MRC1: variants seen among roughly 807,000 people sequenced by gnomAD.
MRC1 encodes macrophage mannose receptor 1.
MRC1 carries 62 observed loss-of-function variants against 102.9 expected under a neutral mutation model. The observed-to-expected ratio is 0.60, with a 90% CI of 0.49 to 0.74. The LOEUF is 0.74. Among genes scored for constraint, MRC1 ranks in the 30% least tolerant of loss-of-function variants. The pLI, the probability that MRC1 is intolerant of heterozygous loss-of-function variation, is 0.00. For missense variants in MRC1, 1,237 were observed against 862.8 expected, an observed-to-expected ratio of 1.43 and a Z score of -5.43; for synonymous variants, 457 against 298.4, an observed-to-expected ratio of 1.53 and a Z score of -5.48.
chr10:17,845,510 A>T (rs1049645995), intron 6 of MRC1, 75 bp downstream of exon 6: 1 of 770,872 alleles, frequency 1.3e-6, no homozygotes. Flanking sequence ...CTTAGGTGTA[A>T]CTGTTGGAAT....
intron 12 of MRC1, among the ~76,000 whole-genome samples, chr10:17,868,521 G>A (rs1833310427): frequency 1.3e-5 from 2 of 152,276 alleles, no homozygotes; most frequent in African/African-American, 4.8e-5. Context: ...CAACATGTGG[G>A]GATTACAATT....
intron 9 of MRC1, among the ~76,000 whole-genome samples, chr10:17,858,403 G>A (rs890695858): frequency 7.2e-5 from 11 of 152,232 alleles, no homozygotes; most frequent in Middle Eastern, 3.4e-3. Context: ...GGTGAATGCC[G>A]AGTACCTAGT....
chr10:17,870,916 C>T lies in MRC1; in HGVS notation c.2180C>T (p.Thr727Ile). The stretch of plus-strand genomic sequence containing the variant: ...TATGGAAGCCCTTCAGAAGGTTTTA[C>T]TTGGAGTGATGGTTCTCCTGTGAGT... ...LTYGSPSEGF[T>I]WSDGSPVSYE... The change falls in exon 14 of 30, where the codon ACT (threonine) becomes ATT (isoleucine). Residue 727 changes from threonine (T) to isoleucine (I), a missense_variant. Coordinates refer to ENST00000569591, the MANE Select transcript of MRC1 (RefSeq NM_002438.4). 1.1e-6 allele frequency: 1 copy of T among 872,348 alleles called. No homozygotes were observed. 54.0% of individuals were successfully genotyped at this position (872,348 alleles called of 1,614,324 possible). A position where few individuals can be genotyped will look rare whatever the true frequency, so the allele number is the denominator to read the frequency against.
At chr10:17,856,480 T>C (rs1407963629) in intron 9 of MRC1, 128 bp downstream of exon 9, 3 of 680,412 alleles carry the variant, frequency 4.4e-6, no homozygotes, top group East Asian at 2.7e-5. Context: ...CAGTCTTCAA[T>C]AGTTTATTGT....
chr10:17,836,999 T>G (rs902780921), intron 4 of MRC1, among the ~76,000 whole-genome samples: 1 of 152,206 alleles, frequency 6.6e-6, no homozygotes, highest in Non-Finnish European at 1.5e-5. Context: ...CAGGTTACTT[T>G]GTGCGCTCTC....
chr10:17,823,527 G>T, intron 2 of MRC1, 52 bp downstream of exon 2: 1 of 778,682 alleles, frequency 1.3e-6, no homozygotes, highest in Non-Finnish European at 2.4e-6. Flanking sequence ...CGTCTTCTTA[G>T]TTGGAACCTG....
At chr10:17,829,029 C>A (rs1838527761) in intron 3 of MRC1, among the ~76,000 whole-genome samples, 1 of 151,472 alleles carries the variant, frequency 6.6e-6, no homozygotes, top group Admixed American at 6.6e-5. Context: ...CGACCTCTCA[C>A]CTGCTACTTT....
intron 1 of MRC1, among the ~76,000 whole-genome samples, chr10:17,810,054 C>T (rs955410558): frequency 2.0e-5 from 3 of 146,612 alleles, no homozygotes; most frequent in Non-Finnish European, 4.7e-5. Context: ...ATCATTCAGA[C>T]ACTTGATTGT....
Position 17,835,217 on chromosome 10 carries a change from C to T in MRC1, c.802+1378C>T, listed in dbSNP as rs1032908893. ...TACAGTTGAAATGCAATTCTATTTC[C>T]ATCTGCATTTCTCTTATTTGCTTAT... On this transcript the variant is annotated intron_variant, in intron 4 of 29. Transcript: ENST00000569591. Among the ~76,000 whole-genome samples, 282 of 152,316 alleles carry T rather than the reference C, an allele frequency of 1.9e-3. 1 individual carries two copies. Among genetic ancestry groups the T allele is most frequent in the African/African-American group, 6.2e-3 (257 of 41,566 alleles).
intron 7 of MRC1, among the ~76,000 whole-genome samples, chr10:17,852,370 C>T (rs1463580954): frequency 6.6e-6 from 1 of 152,114 alleles, no homozygotes; most frequent in African/African-American, 2.4e-5. Flanking sequence ...TACCAAATGT[C>T]AGGTGCAAGT....
intron 23 of MRC1, among the ~76,000 whole-genome samples, chr10:17,896,021 A>G (rs955022452): frequency 1.3e-5 from 2 of 152,152 alleles, no homozygotes; most frequent in African/African-American, 4.8e-5. Flanking sequence ...TGCCTTATGG[A>G]GAGTTTCAGC....
At chr10:17,868,634 C>T (rs1383125410) in intron 12 of MRC1, among the ~76,000 whole-genome samples, 1 of 152,172 alleles carries the variant, frequency 6.6e-6, no homozygotes, top group Non-Finnish European at 1.5e-5. Flanking sequence ...TTCTTTTATT[C>T]AATCTCTTTG....
chr10:17,818,156 G>T (rs1838340609), intron 1 of MRC1, among the ~76,000 whole-genome samples: 1 of 152,122 alleles, frequency 6.6e-6, no homozygotes, highest in Non-Finnish European at 1.5e-5. Flanking sequence ...TTTCTAAATT[G>T]CTCTTCAGTA....
intron 9 of MRC1, among the ~76,000 whole-genome samples, chr10:17,858,811 G>A (rs1234707334): frequency 2.0e-5 from 3 of 152,190 alleles, no homozygotes; most frequent in Non-Finnish European, 4.4e-5. Context: ...ATGAGCCATC[G>A]TGCCAGGCCC....
At chr10:17,828,072 CTTTATTTA>C (rs1405359434) in intron 3 of MRC1, among the ~76,000 whole-genome samples, 3 of 152,076 alleles carry the variant, frequency 2.0e-5, no homozygotes, top group Admixed American at 1.3e-4. Flanking sequence ...CAAGTGACCT[CTTTATTTA>C]TTTATTTATT....
intron 2 of MRC1, 129 bp from the exon 3 acceptor site, chr10:17,827,413 A>AAAAAAAAC: frequency 2.5e-6 from 1 of 394,368 alleles, no homozygotes; most frequent in South Asian, 3.0e-5. Flanking sequence ...AAAAAAAAGA[A>AAAAAAAAC]ATCCCTCTGT....
chr10:17,813,684 A>T (rs1264299543), intron 1 of MRC1, among the ~76,000 whole-genome samples: 32 of 81,826 alleles, frequency 3.9e-4, no homozygotes, highest in Admixed American at 3.2e-3. Flanking sequence ...CACACACATT[A>T]TATATATATA....
chr10:17,827,761 A>T, intron 3 of MRC1, 46 bp downstream of exon 3: 1 of 778,864 alleles, frequency 1.3e-6, no homozygotes. Flanking sequence ...ATTTAGTCTG[A>T]TAATGTAGTG....
intron 6 of MRC1, among the ~76,000 whole-genome samples, chr10:17,847,426 A>G (rs1250633911): frequency 2.0e-5 from 3 of 152,222 alleles, no homozygotes; most frequent in Non-Finnish European, 4.4e-5. Flanking sequence ...TCACTCGCTA[A>G]CCACTTGATG....
Sources: allele counts gnomAD v4.1 joint callset (sites outside exome capture counted in the v4.1 genomes callset), GRCh38; gene constraint gnomAD v4.1.1; transcripts MANE v1.5; gene names NCBI Gene and HGNC (gene_info 2026-07-23, HGNC 2026-07-21).